Variants in TUT4 observed in about 807,000 individuals in gnomAD.
TUT4 encodes the protein terminal uridylyl transferase 4, also known as terminal uridylyltransferase 4.
Under a neutral mutation model 192.2 loss-of-function variants are expected in TUT4, and 36 were observed. The observed-to-expected ratio is 0.19, with a 90% CI of 0.14 to 0.25. The LOEUF (loss-of-function observed/expected upper bound fraction) is 0.25. TUT4 is among the 10% of genes least tolerant of loss of function. TUT4 has a pLI of 1.00. For synonymous variants in TUT4, 618 were observed against 666.0 expected, an observed-to-expected ratio of 0.93 and a Z score of 1.11; for missense variants, 1,493 against 1,957.2, an observed-to-expected ratio of 0.76 and a Z score of 4.47.
chr1:52,467,209 T>C (rs1391795745), intron 15 of TUT4, among the ~76,000 whole-genome samples: 2 of 152,212 alleles, frequency 1.3e-5, no homozygotes, highest in African/African-American at 4.8e-5. Context: ...ATACTTTTAA[T>C]TGTAATATGT....
intron 3 of TUT4, among the ~76,000 whole-genome samples, chr1:52,511,561 C>T (rs1406083022): frequency 6.6e-6 from 1 of 152,100 alleles, no homozygotes; most frequent in African/African-American, 2.4e-5. Context: ...AGAGACATCA[C>T]TTAAGACCTT....
intron 1 of TUT4, among the ~76,000 whole-genome samples, chr1:52,536,798 G>A (rs1222611411): frequency 2.6e-5 from 4 of 152,104 alleles, no homozygotes; most frequent in African/African-American, 7.2e-5. Context: ...AGGTTGCAGT[G>A]AGCCGAGACT....
chr1:52,515,608 T>G, intron 3 of TUT4: 1 of 512,290 alleles, frequency 2.0e-6, no homozygotes, highest in Non-Finnish European at 3.4e-6. Context: ...GTGGGGAGAC[T>G]AGGTGTATTT....
rs757493358 is a variant in TUT4, at chr1:52,431,005, A to G, written c.4711+8T>C. 2 of 1,547,700 alleles carry G rather than the reference A, an allele frequency of 1.3e-6. No individual in the cohort carries two copies. Among genetic ancestry groups the G allele is most frequent in the Non-Finnish European group, 1.7e-6 (2 of 1,145,442 alleles). ...ATGCAGATAAAAAAGAAGAAAAGGA[A>G]AGGTTACCTGAATTCCCCACTGCAC... On this transcript the variant is annotated splice_region_variant and intron_variant, in intron 28 of 29. Coordinates refer to ENST00000257177, the MANE Select transcript of TUT4 (RefSeq NM_001009881.3).
At chr1:52,473,358 G>C (rs1167074605) in intron 13 of TUT4, among the ~76,000 whole-genome samples, 2 of 152,110 alleles carry the variant, frequency 1.3e-5, no homozygotes, top group African/African-American at 4.8e-5. Context: ...TAGTTCTGGA[G>C]ATCTGTACAG....
chr1:52,435,488 AAATC>A, intron 26 of TUT4, 23 bp from the exon 27 acceptor site: 1 of 1,569,564 alleles, frequency 6.4e-7, no homozygotes, highest in Non-Finnish European at 8.8e-7. Flanking sequence ...ATCACAAAGA[AAATC>A]AACAGATAAG....
intron 1 of TUT4, among the ~76,000 whole-genome samples, chr1:52,540,183 C>T (rs1686151509): frequency 6.7e-6 from 1 of 149,230 alleles, no homozygotes; most frequent in Non-Finnish European, 1.5e-5. Context: ...CATGCCACTG[C>T]ACTCCAGCCT....
intron 4 of TUT4, among the ~76,000 whole-genome samples, chr1:52,499,695 C>T (rs904670295): frequency 4.6e-5 from 7 of 151,654 alleles, no homozygotes; most frequent in Non-Finnish European, 1.0e-4. Flanking sequence ...GATTGCACCA[C>T]TGCAGTCCAG....
At chr1:52,497,363 G>A (rs1672712031) in intron 4 of TUT4, among the ~76,000 whole-genome samples, 180 bp from the exon 5 acceptor site, 1 of 152,226 alleles carries the variant, frequency 6.6e-6, no homozygotes, top group Non-Finnish European at 1.5e-5. Flanking sequence ...GCAGGGTTTT[G>A]AGAATGAGAG....
chr1:52,474,727 A>G (rs1666659037), intron 13 of TUT4, 105 bp downstream of exon 13: 1 of 986,052 alleles, frequency 1.0e-6, no homozygotes. Flanking sequence ...ATTCCAAAAC[A>G]AGTCACCACT....
rs776591861 is a variant in TUT4 at position 52,477,878 on chromosome 1, G to A, written c.1853C>T (p.Pro618Leu). The change falls in exon 12 of 30, where the codon CCT (proline) becomes CTT (leucine). Residue 618 changes from proline (P) to leucine (L), a missense_variant. Coordinates refer to ENST00000257177, the MANE Select transcript of TUT4 (RefSeq NM_001009881.3). Reference protein sequence around the residue: ...NAMKEKHGKSPLALETPNRVS... With the variant: ...NAMKEKHGKSLLALETPNRVS... ...CCGATTTGGTGTTTCCAATGCTAAAGGAGACTGGAAAAGAAAAAATACTTT... is the reference window on the plus strand; with the variant it reads ...CCGATTTGGTGTTTCCAATGCTAAAAGAGACTGGAAAAGAAAAAATACTTT... 1.3e-6 allele frequency: 2 copies of A among 1,581,678 alleles called. No homozygotes were observed. The highest frequency in any genetic ancestry group is 4.0e-5 in the Admixed American group (2 of 50,426).
chr1:52,447,642 A>G (rs1262080787), intron 20 of TUT4, among the ~76,000 whole-genome samples: 1 of 152,188 alleles, frequency 6.6e-6, no homozygotes, highest in Non-Finnish European at 1.5e-5. Flanking sequence ...ACTGACTTCC[A>G]CAAGTAATTG....
At chr1:52,545,314 T>G (rs1052954299) in intron 1 of TUT4, among the ~76,000 whole-genome samples, 2 of 150,126 alleles carry the variant, frequency 1.3e-5, no homozygotes, top group Non-Finnish European at 3.0e-5. Flanking sequence ...GAGCTGGAGA[T>G]TGTGGTGAGC....
chr1:52,530,469 C>CT (rs1683076447), intron 1 of TUT4, among the ~76,000 whole-genome samples: 1 of 152,072 alleles, frequency 6.6e-6, no homozygotes, highest in African/African-American at 2.4e-5. Flanking sequence ...AGCATTTATC[C>CT]TTTGAGTTAC....
intron 1 of TUT4, among the ~76,000 whole-genome samples, chr1:52,546,755 A>G (rs1207245821): frequency 2.0e-5 from 3 of 152,194 alleles, no homozygotes; most frequent in Non-Finnish European, 4.4e-5. Flanking sequence ...TGTTATGTAC[A>G]CTTTATCACA....
At chr1:52,458,639 C>T (rs1352105980) in intron 19 of TUT4, among the ~76,000 whole-genome samples, 190 bp from the exon 20 acceptor site, 1 of 152,108 alleles carries the variant, frequency 6.6e-6, no homozygotes, top group African/African-American at 2.4e-5. Context: ...CCCAGGAAGT[C>T]AAGACCAGCC....
intron 6 of TUT4, 71 bp downstream of exon 6, chr1:52,495,356 C>T: frequency 1.0e-6 from 1 of 959,812 alleles, no homozygotes; most frequent in Non-Finnish European, 1.6e-6. Context: ...TATCCTTTCT[C>T]TACAAAGATA....
rs984228991 is a variant in TUT4 at position 52,461,961 on chromosome 1, C to G, written c.3070-192G>C. 3 of 420,352 alleles carry G rather than the reference C, an allele frequency of 7.1e-6. No individual in the cohort carries two copies. In the South Asian group the frequency reaches 1.0e-4, roughly 15 times the overall value. The allele number at this position is 420,352 out of a possible 1,614,324, so 26.0% of individuals were successfully genotyped here. On this transcript the variant is annotated intron_variant, in intron 16 of 29. Coordinates refer to ENST00000257177, the MANE Select transcript of TUT4 (RefSeq NM_001009881.3). Reference sequence around the variant, plus strand: ...TGGAAACTTGATAGAAATGCAGAATCTGAGGACCCTCCCCAGTCTACTAAA... The same window carrying G: ...TGGAAACTTGATAGAAATGCAGAATGTGAGGACCCTCCCCAGTCTACTAAA...
chr1:52,459,069 T>C (rs962574440), intron 19 of TUT4, among the ~76,000 whole-genome samples: 1 of 152,094 alleles, frequency 6.6e-6, no homozygotes, highest in African/African-American at 2.4e-5. Context: ...ACATCTTTTT[T>C]AATAAATAAA....
Sources: allele counts gnomAD v4.1 joint callset (sites outside exome capture counted in the v4.1 genomes callset), GRCh38; gene constraint gnomAD v4.1.1; transcripts MANE v1.5; gene names NCBI Gene and HGNC (gene_info 2026-07-23, HGNC 2026-07-21).